The following SUSD4 variants were observed in gnomAD, a reference collection of about 807,000 sequenced individuals.
SUSD4 encodes the protein sushi domain containing 4.
SUSD4 carries 41 observed loss-of-function variants against 50.5 expected under a neutral mutation model. The observed-to-expected ratio is 0.81, with a 90% confidence interval of 0.63 to 1.05. The LOEUF (loss-of-function observed/expected upper bound fraction) is 1.05, where lower values mean the gene tolerates loss of function less well. SUSD4 is among the 50% of genes least tolerant of loss of function. The probability of loss-of-function intolerance (pLI) is 0.00; values close to 1 mark genes in which losing one functional copy is unlikely to be tolerated. For synonymous variants in SUSD4, 257 were observed against 257.3 expected, an observed-to-expected ratio of 1.00 and a Z score of 0.01; for missense variants, 580 against 634.7, an observed-to-expected ratio of 0.91 and a Z score of 0.93.
chr1:223,259,302 T>A (rs1401151829), intron 5 of SUSD4, among the ~76,000 whole-genome samples: 1 of 152,242 alleles, frequency 6.6e-6, no homozygotes, highest in Non-Finnish European at 1.5e-5. Context: ...CTTGATTCCA[T>A]CTTTTTATCT....
rs929387287 is a variant in SUSD4, at chr1:223,227,438, C to G, written c.1061+156G>C. ...GAAAGAGGAAAATGAGGTCTGTCTC[C>G]AGCTTTGTGCTCAAAACATCCCAGA... On this transcript the variant is annotated intron_variant, in intron 7 of 8. Transcript: ENST00000366878. The surrounding 1 kb of genome is among the most constrained non-coding windows in gnomAD (Gnocchi z 4.5). Among the ~76,000 whole-genome samples, 1 of 152,182 alleles carries G rather than the reference C, an allele frequency of 6.6e-6. No individual in the cohort carries two copies. The highest frequency in any genetic ancestry group is 2.4e-5 in the African/African-American group (1 of 41,442).
chr1:223,321,968 A>G (rs1666598094), intron 2 of SUSD4, among the ~76,000 whole-genome samples: 1 of 152,254 alleles, frequency 6.6e-6, no homozygotes, highest in African/African-American at 2.4e-5. Context: ...GAATATTTAC[A>G]GTATAGTTAC....
At chr1:223,316,601 C>T (rs1018446325) in intron 2 of SUSD4, among the ~76,000 whole-genome samples, 6 of 152,172 alleles carry the variant, frequency 3.9e-5, no homozygotes, top group African/African-American at 1.4e-4. Flanking sequence ...AATGCTCCCC[C>T]ATTCAAAAGG....
intron 2 of SUSD4, among the ~76,000 whole-genome samples, chr1:223,305,682 G>C (rs1665493342): frequency 6.6e-6 from 1 of 152,208 alleles, no homozygotes; most frequent in South Asian, 2.1e-4. Context: ...CAGAAAGCAA[G>C]ACTGGGCTAG....
intron 3 of SUSD4, among the ~76,000 whole-genome samples, chr1:223,282,595 T>C (rs1389146005): frequency 1.3e-5 from 2 of 152,112 alleles, no homozygotes; most frequent in African/African-American, 2.4e-5. Flanking sequence ...AAAGAGGATA[T>C]GAACAAGTGG....
intron 5 of SUSD4, among the ~76,000 whole-genome samples, chr1:223,244,595 G>A (rs1001984480): frequency 4.0e-5 from 6 of 151,436 alleles, no homozygotes; most frequent in African/African-American, 1.5e-4. Context: ...ACCCTGCTGA[G>A]TCTCCAACCC....
chr1:223,331,419 G>A (rs190078636), intron 2 of SUSD4, among the ~76,000 whole-genome samples: 1 of 152,210 alleles, frequency 6.6e-6, no homozygotes, highest in African/African-American at 2.4e-5. Flanking sequence ...GTGAAACCTT[G>A]TGTGCCAACA....
intron 2 of SUSD4, among the ~76,000 whole-genome samples, chr1:223,356,083 C>A (rs1668648731): frequency 6.6e-6 from 1 of 152,018 alleles, no homozygotes; most frequent in Non-Finnish European, 1.5e-5. Flanking sequence ...CTCTGATGTT[C>A]CCAGTTTACC....
chr1:223,242,517 C>T (rs73122207), intron 5 of SUSD4, among the ~76,000 whole-genome samples: 3 of 152,186 alleles, frequency 2.0e-5, no homozygotes, highest in Non-Finnish European at 4.4e-5. Context: ...CTGGAATCAC[C>T]CCTTGGAATT....
chr1:223,277,482 C>G (rs2138968), intron 3 of SUSD4, among the ~76,000 whole-genome samples: 11 of 152,026 alleles, frequency 7.2e-5, no homozygotes, highest in African/African-American at 2.4e-4. Context: ...GGATCCCTGG[C>G]TGCACACTGA....
chr1:223,319,434 C>T (rs1666440865), intron 2 of SUSD4, among the ~76,000 whole-genome samples: 2 of 152,092 alleles, frequency 1.3e-5, no homozygotes, highest in South Asian at 4.2e-4. Context: ...CCAGAATCTA[C>T]AATGAACTCA....
chr1:223,266,011 CT>C (rs973999479), intron 4 of SUSD4, among the ~76,000 whole-genome samples: 1 of 152,164 alleles, frequency 6.6e-6, no homozygotes, highest in African/African-American at 2.4e-5. Context: ...CAGCAAATTG[CT>C]TTGGTTGAAA....
chr1:223,222,078 C>G lies in SUSD4; in HGVS notation c.*114G>C, dbSNP rs1385429477. 1 of 1,016,730 alleles carries G rather than the reference C, an allele frequency of 9.8e-7. No individual in the cohort carries two copies. The highest frequency in any genetic ancestry group is 2.3e-5 in the Admixed American group (1 of 43,754). The allele number at this position is 1,016,730 out of a possible 1,614,324, so 63.0% of individuals were successfully genotyped here. On this transcript the variant is annotated 3_prime_UTR_variant, in exon 9 of 9. Coordinates refer to ENST00000366878, the MANE Select transcript of SUSD4 (RefSeq NM_017982.4). ...GATGCATAATGTGAACTGTGGTCCC[C>G]ATGTAGACAAGTTAGACATTTTGCC...
intron 2 of SUSD4, among the ~76,000 whole-genome samples, chr1:223,337,126 C>T (rs142591220): frequency 1.8e-4 from 28 of 152,316 alleles, no homozygotes; most frequent in Admixed American, 1.2e-3. Context: ...CAGCAGAATG[C>T]ATAAATGAAT....
At chr1:223,271,695 A>G (rs1388865849) in intron 3 of SUSD4, among the ~76,000 whole-genome samples, 3 of 152,160 alleles carry the variant, frequency 2.0e-5, no homozygotes, top group African/African-American at 7.2e-5. Context: ...TGATTTCTTT[A>G]CCCACAAAGT....
intron 2 of SUSD4, among the ~76,000 whole-genome samples, chr1:223,351,913 A>C (rs1470380439): frequency 6.6e-6 from 1 of 152,022 alleles, no homozygotes; most frequent in Non-Finnish European, 1.5e-5. Context: ...AGGCTACATC[A>C]CCGAGAACAT....
chr1:223,352,267 CT>C (rs1420863411), intron 2 of SUSD4, among the ~76,000 whole-genome samples: 1 of 152,202 alleles, frequency 6.6e-6, no homozygotes. Context: ...TCCCAAAGAA[CT>C]GGGTCTTCCT....
rs1558197153 is a variant in SUSD4 at position 223,268,034 on chromosome 1, TATATATATAC to T, written c.535+458_535+467del. 1.4e-4 allele frequency among the ~76,000 whole-genome samples: 13 copies of T among 92,470 alleles called. 2 individuals are homozygous for T. Among genetic ancestry groups the T allele is most frequent in the South Asian group, 7.5e-4 (2 of 2,650 alleles). The allele number at this position is 92,470 out of a possible 152,430, so 60.7% of individuals were successfully genotyped here. A position where few individuals can be genotyped will look rare whatever the true frequency, so the allele number is the denominator to read the frequency against. On this transcript the variant is annotated intron_variant, in intron 4 of 8. Coordinates refer to ENST00000366878, the MANE Select transcript of SUSD4 (RefSeq NM_017982.4). ...TTTTTTATATATATATATATATATA[TATATATATAC>T]ACACACACTGTTAAGAGAAAACAGC...
chr1:223,241,387 C>T (rs1351650267), intron 5 of SUSD4, among the ~76,000 whole-genome samples: 1 of 152,206 alleles, frequency 6.6e-6, no homozygotes, highest in African/African-American at 2.4e-5. Flanking sequence ...GAGGCTGCAG[C>T]AATTCATCAA....
Sources: allele counts gnomAD v4.1 joint callset (sites outside exome capture counted in the v4.1 genomes callset), GRCh38; gene constraint gnomAD v4.1.1; non-coding constraint Gnocchi (gnomAD v3.1); transcripts MANE v1.5; gene names NCBI Gene and HGNC (gene_info 2026-07-23, HGNC 2026-07-21).